The following RSPH3 variants were observed in gnomAD, a reference collection of about 807,000 sequenced individuals.
RSPH3 encodes the protein radial spoke head protein 3 homolog.
In RSPH3, 21 loss-of-function variants were observed where a neutral mutation model predicts 43.8. That is an observed-to-expected ratio of 0.48 (90% confidence interval 0.34 to 0.69). The LOEUF (loss-of-function observed/expected upper bound fraction) is 0.69. Among genes scored for constraint, RSPH3 ranks in the 30% least tolerant of loss-of-function variants. The pLI is 0.01. For missense variants in RSPH3, 487 were observed against 516.0 expected (o/e 0.94, Z 0.54); for synonymous variants, 173 against 179.8 (o/e 0.96, Z 0.30).
At chr6:158,996,483 C>G (rs1299184336) in intron 1 of RSPH3, among the ~76,000 whole-genome samples, 1 of 152,148 alleles carries the variant, frequency 6.6e-6, no homozygotes, top group African/African-American at 2.4e-5. Flanking sequence ...TCAGATACTC[C>G]CATTTCTGTA....
chr6:158,978,682 AGGCACACG>A (rs1273496876), intron 6 of RSPH3, among the ~76,000 whole-genome samples: 1 of 152,190 alleles, frequency 6.6e-6, no homozygotes, highest in African/African-American at 2.4e-5. Context: ...CTGGGACGAC[AGGCACACG>A]CCACCACACC....
intron 2 of RSPH3, among the ~76,000 whole-genome samples, chr6:158,992,457 GTTTTT>G (rs35383020): frequency 7.8e-6 from 1 of 127,904 alleles, no homozygotes; most frequent in Non-Finnish European, 1.7e-5. Context: ...TTTTTGTGGG[GTTTTT>G]TTTTTTTTTT....
chr6:158,998,297 C>CAAAAAAAAAAAAAA (rs71297000), intron 1 of RSPH3, among the ~76,000 whole-genome samples: 68 of 53,632 alleles, frequency 1.3e-3, no homozygotes, highest in East Asian at 3.0e-3. Flanking sequence ...TAAAAAAATA[C>CAAAAAAAAAAAAAA]AAAAAAAAAA....
chr6:158,971,253 A>T (rs10455834), downstream of RSPH3, among the ~76,000 whole-genome samples: 1 of 152,112 alleles, frequency 6.6e-6, no homozygotes, highest in Non-Finnish European at 1.5e-5. Context: ...TTAAAATGCC[A>T]TGAAGCTTAC....
At chr6:158,967,211 G>T in the RSPH3 span, among the ~76,000 whole-genome samples, 2 of 151,678 alleles carry the variant, frequency 1.3e-5, no homozygotes, top group Non-Finnish European at 2.9e-5. Context: ...ACAGGGTTTT[G>T]CCAGGTTGCC....
At chr6:158,998,228 G>C (rs1778668267) in intron 1 of RSPH3, among the ~76,000 whole-genome samples, 1 of 143,776 alleles carries the variant, frequency 7.0e-6, no homozygotes, top group Non-Finnish European at 1.5e-5. Context: ...GAGGCGGGCG[G>C]ATCATGAGGT....
rs1157097572 is a variant in RSPH3, at chr6:158,976,538, C to T, written c.*1000G>A. The T allele has an allele frequency of 6.6e-6, 1 of 151,984 alleles. No individual in the cohort carries two copies. Among genetic ancestry groups the T allele is most frequent in the Non-Finnish European group, 1.5e-5 (1 of 68,000 alleles). 9.4% of individuals were successfully genotyped at this position (151,984 alleles called of 1,614,324 possible). ...CTATATATTTCTAGATTTTCAAATA[C>T]ATTTGTATAGGAATACCTCAAAAAA... On this transcript the variant is annotated 3_prime_UTR_variant, in exon 8 of 8. Transcript: ENST00000367069.
At chr6:158,990,191 A>G (rs761699288) in intron 2 of RSPH3, among the ~76,000 whole-genome samples, 3 of 151,976 alleles carry the variant, frequency 2.0e-5, no homozygotes, top group Non-Finnish European at 4.4e-5. Flanking sequence ...CTTTATATAT[A>G]TATATATCTA....
downstream of RSPH3, among the ~76,000 whole-genome samples, chr6:158,970,012 G>A (rs562085592): frequency 5.9e-5 from 9 of 151,748 alleles, no homozygotes; most frequent in East Asian, 1.5e-3. Context: ...GACTTCCTTG[G>A]GAACAGTTTC....
intron 2 of RSPH3, chr6:158,990,545 G>C (rs1434449661): frequency 6.6e-6 from 1 of 152,082 alleles, no homozygotes; most frequent in African/African-American, 2.4e-5. Context: ...GAAAAATATT[G>C]TGCCACTTTC....
chr6:158,996,189 T>C (rs1202469459), intron 1 of RSPH3, among the ~76,000 whole-genome samples: 1 of 152,238 alleles, frequency 6.6e-6, no homozygotes, highest in African/African-American at 2.4e-5. Context: ...TTAAAAATGT[T>C]ATTTTATTGG....
chr6:158,968,205 C>A (rs1379627395), downstream of RSPH3, among the ~76,000 whole-genome samples: 2 of 152,006 alleles, frequency 1.3e-5, no homozygotes, highest in Non-Finnish European at 2.9e-5. Flanking sequence ...CCAGGAAAAG[C>A]TTTTAATACT....
intron 1 of RSPH3, among the ~76,000 whole-genome samples, chr6:158,995,183 G>T (rs1022269216): frequency 2.0e-5 from 3 of 151,942 alleles, no homozygotes. Flanking sequence ...TTTTAGCTGA[G>T]AACTCTTCTC....
the RSPH3 span, among the ~76,000 whole-genome samples, chr6:158,966,744 G>T: frequency 6.7e-6 from 1 of 149,640 alleles, no homozygotes. Context: ...TGTCAATTTT[G>T]TTAATCTTTG....
At chr6:158,981,937 A>T (rs1037991147) in intron 5 of RSPH3, among the ~76,000 whole-genome samples, 1 of 152,126 alleles carries the variant, frequency 6.6e-6, no homozygotes, top group Admixed American at 6.6e-5. Flanking sequence ...CTGGATTGTA[A>T]ACCTTTCCTT....
intron 3 of RSPH3, among the ~76,000 whole-genome samples, chr6:158,985,171 G>C (rs12194459): frequency 0.018 from 2,708 of 152,290 alleles, 33 homozygotes; most frequent in Middle Eastern, 0.024. Context: ...AGACAAGTAC[G>C]CAAATCCTGG....
chr6:158,994,431 G>A (rs914720964), intron 1 of RSPH3, among the ~76,000 whole-genome samples: 4 of 152,116 alleles, frequency 2.6e-5, no homozygotes, highest in Non-Finnish European at 2.9e-5. Flanking sequence ...TAAAGTTATT[G>A]TTGAAAATGT....
chr6:158,970,146 T>A (rs1777678351), downstream of RSPH3, among the ~76,000 whole-genome samples: 1 of 152,174 alleles, frequency 6.6e-6, no homozygotes, highest in African/African-American at 2.4e-5. Flanking sequence ...GAAAGTTATA[T>A]TCTTGTACCA....
Position 158,989,046 on chromosome 6 carries a change from G to GT in RSPH3, c.205-2626dup, listed in dbSNP as rs1554290243. ...TTTTTATTGGATATATTTTCTTAGA[G>GT]TTTTTTTTTATCTTTTTTGAGACAG... On this transcript the variant is annotated intron_variant, in intron 2 of 7. Transcript: ENST00000367069. This position sits in a 1 kb window ranked among gnomAD's most constrained non-coding sequence, Gnocchi z 4.3. 6.8e-4 allele frequency among the ~76,000 whole-genome samples: 103 copies of GT among 151,168 alleles called. No individual in the cohort carries two copies. The highest frequency in any genetic ancestry group is 1.2e-3 in the Non-Finnish European group (82 of 67,716).
Sources: gnomAD v4.1 joint callset for allele counts (sites outside exome capture counted in the v4.1 genomes callset) on GRCh38, gnomAD v4.1.1 for gene constraint, Gnocchi (gnomAD v3.1) non-coding constraint, MANE v1.5 for transcripts, NCBI Gene and HGNC (gene_info 2026-07-23, HGNC 2026-07-21) for gene names.